The following MYRFL variants were observed in gnomAD, a reference collection of about 807,000 sequenced individuals.
MYRFL encodes myelin regulatory factor like, also known as myelin regulatory factor-like protein.
MYRFL carries 88 observed loss-of-function variants against 109.4 expected under a neutral mutation model. The observed-to-expected ratio is 0.80, with a 90% confidence interval of 0.68 to 0.96. The LOEUF is 0.96. Among genes scored for constraint, MYRFL ranks in the 40% least tolerant of loss-of-function variants. The probability of loss-of-function intolerance (pLI) is 0.00; values close to 1 mark genes in which losing one functional copy is unlikely to be tolerated. For synonymous variants in MYRFL, 324 were observed against 320.9 expected (o/e 1.01, Z -0.10); for missense variants, 957 against 954.9 (o/e 1.00, Z -0.03).
At chr12:69,951,845 G>A (rs1211518597) in intron 19 of MYRFL, among the ~76,000 whole-genome samples, 1 of 152,194 alleles carries the variant, frequency 6.6e-6, no homozygotes, top group African/African-American at 2.4e-5. Flanking sequence ...CACATTCTGA[G>A]GTACTGGGGG....
intron 12 of MYRFL, among the ~76,000 whole-genome samples, 164 bp from the exon 13 acceptor site, chr12:69,910,657 A>C (rs563955255): frequency 1.5e-4 from 23 of 151,804 alleles, no homozygotes; most frequent in South Asian, 1.2e-3. Context: ...AAAAAGGAAA[A>C]GAAAAAACAG....
chr12:69,846,583 A>G (rs569047798), intron 1 of MYRFL, among the ~76,000 whole-genome samples: 2 of 152,018 alleles, frequency 1.3e-5, no homozygotes, highest in African/African-American at 4.8e-5. Context: ...ACATTTTCTT[A>G]ATCCAGTCTA....
At chr12:69,953,657 G>A (rs148685243) in intron 21 of MYRFL, among the ~76,000 whole-genome samples, 179 of 152,084 alleles carry the variant, frequency 1.2e-3, no homozygotes, top group African/African-American at 4.2e-3. Flanking sequence ...CACACCTGTG[G>A]TCCCAGCTAA....
chr12:69,923,511 TTTTATG>T (rs1566028088), intron 13 of MYRFL, among the ~76,000 whole-genome samples: 1 of 152,180 alleles, frequency 6.6e-6, no homozygotes, highest in Non-Finnish European at 1.5e-5. Flanking sequence ...AATGTTTTAA[TTTTATG>T]TTTATATCTC....
intron 4 of MYRFL, 74 bp from the exon 5 acceptor site, chr12:69,880,127 A>G: frequency 1.5e-6 from 1 of 673,242 alleles, no homozygotes; most frequent in South Asian, 1.6e-5. Context: ...AGAGCCTGGG[A>G]GATTAAATTT....
Position 69,889,038 on chromosome 12 carries a change from A to G in MYRFL, c.708-1933A>G, listed in dbSNP as rs7295363. Among the ~76,000 whole-genome samples the G allele has an allele frequency of 9.6e-3, 1,464 of 152,122 alleles. 28 individuals carry two copies. Among genetic ancestry groups the G allele is most frequent in the African/African-American group, 0.033 (1,382 of 41,496 alleles). The stretch of plus-strand genomic sequence containing the variant: ...TTGGGAAGGTGCAAAGAACATGAAC[A>G]CTCTTCTCCCAAGAGACCCATTAAT... On this transcript the variant is annotated intron_variant, in intron 6 of 24. Transcript: ENST00000552032.
At chr12:69,836,110 G>A (rs1456062443) in intron 1 of MYRFL, among the ~76,000 whole-genome samples, 1 of 152,212 alleles carries the variant, frequency 6.6e-6, no homozygotes, top group African/African-American at 2.4e-5. Context: ...GAACCAGAAG[G>A]GAGTTGGTTT....
In MYRFL at chr12:69,891,778, A is replaced by G. The variant is rs374204154; in HGVS notation, c.903+612A>G. 3.3e-5 allele frequency among the ~76,000 whole-genome samples: 5 copies of G among 151,256 alleles called. No individual in the cohort carries two copies. In the East Asian group the frequency reaches 7.8e-4, roughly 24 times the overall value. ...CAGCAGCATGATTATGCCTCATTGC[A>G]GCCTTGACCTCCCAGGCTCAAGTGG... On this transcript the variant is annotated intron_variant, in intron 7 of 24. Coordinates refer to ENST00000552032, the MANE Select transcript of MYRFL (RefSeq NM_182530.3).
At chr12:69,937,625 C>T (rs746729032) in intron 19 of MYRFL, among the ~76,000 whole-genome samples, 1 of 152,160 alleles carries the variant, frequency 6.6e-6, no homozygotes, top group Non-Finnish European at 1.5e-5. Flanking sequence ...TCTGCTTATA[C>T]TTCATTGGCC....
At chr12:69,880,793 G>C (rs1886028984) in intron 5 of MYRFL, among the ~76,000 whole-genome samples, 1 of 152,174 alleles carries the variant, frequency 6.6e-6, no homozygotes, top group African/African-American at 2.4e-5. Flanking sequence ...TGAGAAGCAA[G>C]ACTTACCGTG....
chr12:69,943,844 A>G (rs1052794199), intron 19 of MYRFL, among the ~76,000 whole-genome samples: 3 of 152,154 alleles, frequency 2.0e-5, no homozygotes, highest in Non-Finnish European at 4.4e-5. Flanking sequence ...CAAGAAAAAA[A>G]CAAACAGCCC....
At chr12:69,864,430 T>C (rs976653268) in intron 2 of MYRFL, among the ~76,000 whole-genome samples, 1 of 152,108 alleles carries the variant, frequency 6.6e-6, no homozygotes, top group Non-Finnish European at 1.5e-5. Context: ...TCATCTCCAT[T>C]CTGTTATTGA....
At chr12:69,826,256 ACC>A (rs1168718596) in intron 1 of MYRFL, among the ~76,000 whole-genome samples, 1 of 152,032 alleles carries the variant, frequency 6.6e-6, no homozygotes, top group African/African-American at 2.4e-5. Flanking sequence ...GAAACATAAG[ACC>A]AAGAGAATTA....
chr12:69,954,423 C>G (rs1956052828), intron 21 of MYRFL, among the ~76,000 whole-genome samples: 1 of 152,170 alleles, frequency 6.6e-6, no homozygotes. Flanking sequence ...TGAAATAACA[C>G]TGTTCTCAAT....
chr12:69,889,154 T>C (rs1886638326), intron 6 of MYRFL, among the ~76,000 whole-genome samples: 1 of 151,950 alleles, frequency 6.6e-6, no homozygotes, highest in South Asian at 2.1e-4. Flanking sequence ...CCAGGATGCA[T>C]AGATCTGTAC....
Position 69,879,362 on chromosome 12 carries a change from A to C in MYRFL, c.373A>C (p.Ser125Arg), listed in dbSNP as rs1390101444. The C allele has an allele frequency of 1.4e-6, 1 of 702,794 alleles. No individual in the cohort carries two copies. Among genetic ancestry groups the C allele is most frequent in the East Asian group, 2.7e-5 (1 of 37,302 alleles). The allele number at this position is 702,794 out of a possible 1,614,324, so 43.5% of individuals were successfully genotyped here. A position where few individuals can be genotyped will look rare whatever the true frequency, so the allele number is the denominator to read the frequency against. The change falls in exon 4 of 25, where the codon AGT becomes CGT. Residue 125 changes from serine to arginine, a missense_variant. Physicochemically the swap from Ser to Arg is moderately radical, Grantham distance 110. Coordinates refer to ENST00000552032, the MANE Select transcript of MYRFL (RefSeq NM_182530.3). ...GGFHSCHSNASHLATPLDQSV... is the reference protein window; with the variant it reads ...GGFHSCHSNARHLATPLDQSV... ...CTTTCACAGCTGCCACTCAAACGCC[A>C]GTCATCTTGCCACCCCCCTGGACCA...
intron 2 of MYRFL, among the ~76,000 whole-genome samples, chr12:69,873,030 C>A (rs1019833085): frequency 6.6e-6 from 1 of 152,132 alleles, no homozygotes; most frequent in Non-Finnish European, 1.5e-5. Context: ...TGTTGCAATA[C>A]CTCTACTGGA....
At chr12:69,882,903 C>T (rs758760786) in intron 5 of MYRFL, among the ~76,000 whole-genome samples, 4 of 152,204 alleles carry the variant, frequency 2.6e-5, no homozygotes, top group Non-Finnish European at 5.9e-5. Context: ...ATGTACCTAT[C>T]TCATCTCTCC....
chr12:69,895,722 G>A (rs1208892823), intron 9 of MYRFL, among the ~76,000 whole-genome samples: 3 of 152,084 alleles, frequency 2.0e-5, no homozygotes, highest in Non-Finnish European at 4.4e-5. Flanking sequence ...GTCTCTGCCT[G>A]GCTCGATTGC....
Sources: gnomAD v4.1 joint callset for allele counts (sites outside exome capture counted in the v4.1 genomes callset) on GRCh38, gnomAD v4.1.1 for gene constraint, MANE v1.5 for transcripts, NCBI Gene and HGNC (gene_info 2026-07-23, HGNC 2026-07-21) for gene names.